The following GALNT14 variants were observed in gnomAD, a reference collection of about 807,000 sequenced individuals.
GALNT14 encodes UDP-GalNAc:polypeptide N-acetylgalactosaminyltransferase 14.
A neutral mutation model predicts 77.5 loss-of-function variants in GALNT14; 60 were observed. The observed-to-expected ratio is 0.77, with a 90% CI of 0.63 to 0.96. The LOEUF is 0.96. GALNT14 is among the 40% of genes least tolerant of loss of function. The pLI is 0.00. For missense variants in GALNT14, 710 were observed against 731.0 expected (o/e 0.97, Z 0.33); for synonymous variants, 280 against 281.7 (o/e 0.99, Z 0.06).
At chr2:30,963,920 T>C (rs1667840980) in intron 3 of GALNT14, among the ~76,000 whole-genome samples, 1 of 152,216 alleles carries the variant, frequency 6.6e-6, no homozygotes, top group Admixed American at 6.5e-5. Flanking sequence ...TTTCCTTGGT[T>C]AGGATACTGA....
At chr2:30,932,606 A>C (rs574616114) in intron 9 of GALNT14, among the ~76,000 whole-genome samples, 1 of 152,226 alleles carries the variant, frequency 6.6e-6, no homozygotes, top group Non-Finnish European at 1.5e-5. Flanking sequence ...TAGAGTCAGG[A>C]CCAAGGAGAA....
chr2:31,058,740 C>T (rs1160387063), intron 1 of GALNT14, among the ~76,000 whole-genome samples: 2 of 152,196 alleles, frequency 1.3e-5, no homozygotes, highest in African/African-American at 2.4e-5. Context: ...CGTCCCATGA[C>T]ATCTCCACAA....
At position 31,076,092 on chromosome 2, in the gene GALNT14, T is replaced by A. The variant is rs531910565; in HGVS notation, c.129+61866A>T. Among the ~76,000 whole-genome samples, 9 of 152,264 alleles carry A rather than the reference T, an allele frequency of 5.9e-5. No individual in the cohort carries two copies. In the South Asian group the frequency reaches 1.7e-3, roughly 28 times the overall value. On this transcript the variant is annotated intron_variant, in intron 1 of 14. Coordinates refer to ENST00000349752, the MANE Select transcript of GALNT14 (RefSeq NM_024572.4). ...TGACCAGCAGTCTTGGAAACCACTG[T>A]GTATAGATAACAGCTGGAAGAACTG...
chr2:30,939,169 C>T (rs1301930508), intron 9 of GALNT14, among the ~76,000 whole-genome samples: 2 of 152,044 alleles, frequency 1.3e-5, no homozygotes, highest in South Asian at 2.1e-4. Context: ...GAAGGCTGGG[C>T]GGCAGACACA....
intron 1 of GALNT14, among the ~76,000 whole-genome samples, chr2:31,010,047 A>T (rs1291370748): frequency 6.6e-6 from 1 of 152,192 alleles, no homozygotes; most frequent in Non-Finnish European, 1.5e-5. Flanking sequence ...GTGCAATGGC[A>T]TGATCTTGGC....
chr2:31,010,084 C>G (rs1428007743), intron 1 of GALNT14, among the ~76,000 whole-genome samples: 1 of 152,222 alleles, frequency 6.6e-6, no homozygotes, highest in African/African-American at 2.4e-5. Context: ...CTCCTGAGTT[C>G]AAGCGGTTCT....
chr2:30,916,856 A>G (rs1232935874), intron 13 of GALNT14, among the ~76,000 whole-genome samples: 1 of 152,032 alleles, frequency 6.6e-6, no homozygotes, highest in South Asian at 2.1e-4. Flanking sequence ...AGATGGGTGG[A>G]TCACGAGGTC....
intron 1 of GALNT14, among the ~76,000 whole-genome samples, chr2:31,047,150 G>A (rs1310233112): frequency 2.6e-5 from 4 of 152,146 alleles, no homozygotes; most frequent in Admixed American, 2.0e-4. Flanking sequence ...TCCTCTAGGA[G>A]AACATAGACC....
chr2:31,081,476 A>G (rs889461868), intron 1 of GALNT14, among the ~76,000 whole-genome samples: 1 of 152,220 alleles, frequency 6.6e-6, no homozygotes, highest in African/African-American at 2.4e-5. Context: ...CCAAAATATA[A>G]TATTACAAGT....
intron 6 of GALNT14, among the ~76,000 whole-genome samples, chr2:30,949,047 G>T (rs1320296311): frequency 6.6e-6 from 1 of 152,134 alleles, no homozygotes; most frequent in East Asian, 1.9e-4. Context: ...TTGGCTGAGA[G>T]TCTTGGAGGC....
chr2:30,891,202 A>G, the GALNT14 span, among the ~76,000 whole-genome samples: 8,896 of 152,204 alleles, frequency 0.058, 886 homozygotes, highest in African/African-American at 0.2. Context: ...CACCAGAATC[A>G]CCTAGAGGAT....
chr2:31,091,515 G>A (rs1433203602), intron 1 of GALNT14, among the ~76,000 whole-genome samples: 5 of 152,194 alleles, frequency 3.3e-5, no homozygotes. Flanking sequence ...CCTGTGAAAG[G>A]ATCTAGAATG....
intron 2 of GALNT14, among the ~76,000 whole-genome samples, chr2:30,977,206 C>T (rs1668686262): frequency 6.6e-6 from 1 of 151,828 alleles, no homozygotes; most frequent in Non-Finnish European, 1.5e-5. Context: ...TCTCATGCCT[C>T]AGCCTCCAGA....
At position 31,122,648 on chromosome 2, in the gene GALNT14, C is replaced by T. The variant is rs189724285; in HGVS notation, c.129+15310G>A. ...ACTAACCCTTCTGGCCCATGAGCCA[C>T]ACTGAGAAACAAAACATCAGGGGTG... On this transcript the variant is annotated intron_variant, in intron 1 of 14. Coordinates refer to ENST00000349752, the MANE Select transcript of GALNT14 (RefSeq NM_024572.4). Among the ~76,000 whole-genome samples the T allele has an allele frequency of 2.0e-4, 30 of 152,346 alleles. No individual in the cohort carries two copies. The East Asian group carries it at 3.5e-3, about 18-fold the overall frequency.
At chr2:31,071,968 GGAGACGGTGCCCAGGAGACA>G (rs1675404868) in intron 1 of GALNT14, among the ~76,000 whole-genome samples, 1 of 152,196 alleles carries the variant, frequency 6.6e-6, no homozygotes, top group South Asian at 2.1e-4. Context: ...AACCACCAGT[GGAGACGGTGCCCAGGAGACA>G]GTGAGGCTGC....
chr2:31,059,734 A>T (rs370427687), intron 1 of GALNT14, among the ~76,000 whole-genome samples: 177 of 152,284 alleles, frequency 1.2e-3, no homozygotes, highest in African/African-American at 3.7e-3. Context: ...AATGATAAAG[A>T]GGCCCAAGAG....
At chr2:31,034,088 G>A (rs1672570885) in intron 1 of GALNT14, among the ~76,000 whole-genome samples, 1 of 152,200 alleles carries the variant, frequency 6.6e-6, no homozygotes, top group South Asian at 2.1e-4. Flanking sequence ...ACAAATGGCA[G>A]AAAATTATGG....
At chr2:30,900,860 G>C in the GALNT14 span, among the ~76,000 whole-genome samples, 1 of 152,210 alleles carries the variant, frequency 6.6e-6, no homozygotes, top group East Asian at 1.9e-4. Context: ...ACAGCCTCTT[G>C]GGTGGCAGAG....
At chr2:30,922,978 G>A (rs17010477) in intron 13 of GALNT14, among the ~76,000 whole-genome samples, 28,889 of 151,842 alleles carry the variant, frequency 0.19, 3,023 homozygotes, top group East Asian at 0.39. Flanking sequence ...CAGTGAGCTG[G>A]GAACCTTGAT....
Sources: allele counts gnomAD v4.1 joint callset (sites outside exome capture counted in the v4.1 genomes callset), GRCh38; gene constraint gnomAD v4.1.1; transcripts MANE v1.5; gene names NCBI Gene and HGNC (gene_info 2026-07-23, HGNC 2026-07-21).